Variants in ZC3H6 observed in about 807,000 individuals in gnomAD.
The protein encoded by ZC3H6 is zinc finger CCCH domain-containing protein 6.
In ZC3H6, 40 loss-of-function variants were observed where a neutral mutation model predicts 107.7. That is an observed-to-expected ratio of 0.37 (90% CI 0.29 to 0.48). ZC3H6 has a LOEUF of 0.48. ZC3H6 is among the 20% of genes least tolerant of loss of function. ZC3H6 has a pLI of 0.98. For missense variants in ZC3H6, 1,267 were observed against 1,410.4 expected (o/e 0.90, Z 1.63); for synonymous variants, 493 against 487.9 (o/e 1.01, Z -0.14).
At chr2:112,304,891 G>T (rs1029950090) in intron 3 of ZC3H6, among the ~76,000 whole-genome samples, 6 of 152,116 alleles carry the variant, frequency 3.9e-5, no homozygotes, top group Non-Finnish European at 8.8e-5. Context: ...CTGATTCACT[G>T]TTGCCGCCTT....
chr2:112,319,870 C>A (rs1234406510), intron 7 of ZC3H6, among the ~76,000 whole-genome samples: 10 of 152,050 alleles, frequency 6.6e-5, no homozygotes, highest in Admixed American at 6.6e-4. Context: ...GGCATAAAGC[C>A]TTTCAGACTT....
intron 5 of ZC3H6, among the ~76,000 whole-genome samples, chr2:112,315,617 A>G (rs1384499056): frequency 6.7e-6 from 1 of 150,000 alleles, no homozygotes; most frequent in Non-Finnish European, 1.5e-5. Context: ...TTTGTTTGAG[A>G]CACTCTCACT....
chr2:112,294,495 T>C (rs1676189707), intron 1 of ZC3H6, among the ~76,000 whole-genome samples: 2 of 152,208 alleles, frequency 1.3e-5, no homozygotes, highest in Admixed American at 6.5e-5. Flanking sequence ...GATCATATTA[T>C]CCCAAGAAGT....
chr2:112,311,315 G>C (rs538738125), intron 4 of ZC3H6, among the ~76,000 whole-genome samples: 2 of 152,198 alleles, frequency 1.3e-5, no homozygotes, highest in South Asian at 4.2e-4. Context: ...ACTAATTTTT[G>C]TAATTTGGGT....
intron 3 of ZC3H6, among the ~76,000 whole-genome samples, chr2:112,308,880 C>T (rs1204677768): frequency 6.6e-6 from 1 of 151,316 alleles, no homozygotes; most frequent in East Asian, 2.0e-4. Flanking sequence ...AGTGAAACCC[C>T]ATCTCTACTA....
At chr2:112,280,187 T>C (rs1188102700) in intron 1 of ZC3H6, among the ~76,000 whole-genome samples, 4 of 152,248 alleles carry the variant, frequency 2.6e-5, no homozygotes, top group Admixed American at 1.3e-4. Flanking sequence ...AGTACACTTT[T>C]TGCTCCACAC....
chr2:112,328,728 C>T (rs943364213), intron 11 of ZC3H6, among the ~76,000 whole-genome samples: 1 of 152,046 alleles, frequency 6.6e-6, no homozygotes, highest in African/African-American at 2.4e-5. Context: ...ATCACGAGGT[C>T]AAGAGATCGA....
At chr2:112,303,402 C>A in intron 3 of ZC3H6, 51 bp downstream of exon 3, 1 of 1,369,096 alleles carries the variant, frequency 7.3e-7, no homozygotes. Flanking sequence ...ATAAAATGTA[C>A]CATTTTAACC....
In ZC3H6 at chr2:112,331,846, G is replaced by T; in HGVS notation, c.2928G>T (p.Leu976=). The change falls in exon 12 of 12, where the codon CTG becomes CTT. Residue 976 remains leucine, a synonymous_variant. Coordinates refer to ENST00000409871, the MANE Select transcript of ZC3H6 (RefSeq NM_198581.3). The part of the protein sequence containing the change: ...QKNFDPRLHR[L]PNTESHQVVM... ...ATTTTGATCCTAGGCTTCACAGACT[G>T]CCCAATACAGAGTCTCATCAAGTGG... is the stretch of plus-strand genomic sequence containing the variant. The T allele has an allele frequency of 1.9e-6, 3 of 1,613,838 alleles. No homozygotes were observed. Among genetic ancestry groups the T allele is most frequent in the East Asian group, 4.5e-5 (2 of 44,876 alleles).
chr2:112,331,645 G>A lies in ZC3H6; in HGVS notation c.2727G>A (p.Gln909=), dbSNP rs1192447570. ...CTCTGCCCCCACTTATAGCTGACCAGAGGCTAAATAGATTATGGAATACAA... is the reference window on the plus strand; with the variant it reads ...CTCTGCCCCCACTTATAGCTGACCAAAGGCTAAATAGATTATGGAATACAA... ...NLPLPPLIAD[Q]RLNRLWNTKS... is the part of the protein sequence containing the mutation. Residue 909 remains glutamine, a synonymous_variant, in exon 12 of 12, where the codon CAG becomes CAA. Coordinates refer to ENST00000409871, the MANE Select transcript of ZC3H6 (RefSeq NM_198581.3). The A allele has an allele frequency of 6.2e-7, 1 of 1,613,800 alleles. No homozygotes were observed. Among genetic ancestry groups the A allele is most frequent in the Non-Finnish European group, 8.5e-7 (1 of 1,179,894 alleles).
chr2:112,277,164 A>G (rs1194843729), intron 1 of ZC3H6, among the ~76,000 whole-genome samples: 1 of 152,208 alleles, frequency 6.6e-6, no homozygotes, highest in Non-Finnish European at 1.5e-5. Flanking sequence ...TCAGTATTGT[A>G]ATAATAAAAG....
rs1677028644 is a variant in ZC3H6, at chr2:112,331,364, G to A, written c.2446G>A (p.Val816Ile). 6.2e-7 allele frequency: 1 copy of A among 1,613,778 alleles called. No individual in the cohort carries two copies. Reference sequence around the variant, plus strand: ...GCATCATGCAAATGCTGGCACTAATGTCAAACACAAAAGAGGCGATGATGA... The same window carrying A: ...GCATCATGCAAATGCTGGCACTAATATCAAACACAAAAGAGGCGATGATGA... ...DLHHANAGTN[V>I]KHKRGDDDDE... The change falls in exon 12 of 12, where the codon GTC (valine) becomes ATC (isoleucine). Residue 816 changes from valine (V) to isoleucine (I), a missense_variant. By Grantham distance (29) the Val-to-Ile change is conservative. Coordinates refer to ENST00000409871, the MANE Select transcript of ZC3H6 (RefSeq NM_198581.3).
chr2:112,338,877 A>G lies in ZC3H6; in HGVS notation c.*6389A>G, dbSNP rs1443924186. On this transcript the variant is annotated 3_prime_UTR_variant, in exon 12 of 12. Transcript: ENST00000409871. ...TGTGTATATATATATATATATATAT[A>G]TATATATATATATATATATATATAT... 0.045 allele frequency: 648 copies of G among 14,292 alleles called. 30 individuals carry two copies. Among genetic ancestry groups the G allele is most frequent in the African/African-American group, 0.3 (410 of 1,362 alleles). 0.9% of individuals were successfully genotyped at this position (14,292 alleles called of 1,614,324 possible).
In ZC3H6 at chr2:112,276,913, T is replaced by G. The variant is rs1043405842; in HGVS notation, c.32+887T>G. Among the ~76,000 whole-genome samples the G allele has an allele frequency of 1.0e-3, 152 of 152,226 alleles. 1 individual carries two copies. The highest frequency in any genetic ancestry group is 5.0e-4 in the Non-Finnish European group (34 of 68,042). On this transcript the variant is annotated intron_variant, in intron 1 of 11. Transcript: ENST00000409871. ...TGCATCTGATTCTTACTTAGAATAT[T>G]AATTTGAAAATCTAGAACCTCACAA...
intron 5 of ZC3H6, among the ~76,000 whole-genome samples, chr2:112,316,244 A>G (rs547431867): frequency 3.0e-4 from 43 of 145,748 alleles, no homozygotes; most frequent in South Asian, 2.0e-3. Flanking sequence ...AAAGTTATTC[A>G]TCTTCATTAA....
rs745338805 is a variant in ZC3H6, at chr2:112,331,111, A to G, written c.2193A>G (p.Gln731=). The change falls in exon 12 of 12, where the codon CAA becomes CAG. Residue 731 remains glutamine, a synonymous_variant. Coordinates refer to ENST00000409871, the MANE Select transcript of ZC3H6 (RefSeq NM_198581.3). ...AAACAGAAACTTTAAGGAATCAGCAACAACCTTCCACAGAACTCAGCACTC... is the reference window on the plus strand; with the variant it reads ...AAACAGAAACTTTAAGGAATCAGCAGCAACCTTCCACAGAACTCAGCACTC... The part of the protein sequence containing the change: ...QKQTETLRNQ[Q]QPSTELSTPT... 4 of 1,612,924 alleles carry G rather than the reference A, an allele frequency of 2.5e-6. No individual in the cohort carries two copies. The highest frequency in any genetic ancestry group is 4.5e-5 in the East Asian group (2 of 44,862).
At chr2:112,283,505 A>T (rs189424793) in intron 1 of ZC3H6, among the ~76,000 whole-genome samples, 1 of 152,338 alleles carries the variant, frequency 6.6e-6, no homozygotes. Context: ...ATCACAGTCT[A>T]TTTATAAAGT....
At chr2:112,317,855 A>G (rs1488822198) in intron 7 of ZC3H6, among the ~76,000 whole-genome samples, 2 of 152,144 alleles carry the variant, frequency 1.3e-5, no homozygotes, top group East Asian at 1.9e-4. Flanking sequence ...GTATTCTGCA[A>G]TTTTTCCATG....
intron 3 of ZC3H6, among the ~76,000 whole-genome samples, chr2:112,304,354 A>G (rs1421746839): frequency 6.6e-6 from 1 of 152,222 alleles, no homozygotes. Flanking sequence ...CTTAAGCAAT[A>G]GAAATGTATT....
Sources: gnomAD v4.1 joint callset for allele counts (sites outside exome capture counted in the v4.1 genomes callset) on GRCh38, gnomAD v4.1.1 for gene constraint, MANE v1.5 for transcripts, NCBI Gene and HGNC (gene_info 2026-07-23, HGNC 2026-07-21) for gene names.